Variants in CACNA2D2 observed in about 807,000 individuals in gnomAD.
CACNA2D2 encodes calcium voltage-gated channel auxiliary subunit alpha2delta 2.
CACNA2D2 carries 48 observed loss-of-function variants against 166.4 expected under a neutral mutation model. The ratio of observed to expected loss-of-function variants is 0.29; its 90% CI spans 0.23 to 0.37. The LOEUF (loss-of-function observed/expected upper bound fraction) is 0.37, where lower values mean the gene tolerates loss of function less well. Among genes scored for constraint, CACNA2D2 ranks in the 10% least tolerant of loss-of-function variants. The probability of loss-of-function intolerance (pLI) is 1.00; values close to 1 mark genes in which losing one functional copy is unlikely to be tolerated. For synonymous variants in CACNA2D2, 561 were observed against 573.7 expected, an observed-to-expected ratio of 0.98 and a Z score of 0.32; for missense variants, 1,122 against 1,433.0, an observed-to-expected ratio of 0.78 and a Z score of 3.50.
chr3:50,429,575 C>A (rs2106872777), intron 3 of CACNA2D2, among the ~76,000 whole-genome samples: 1 of 131,096 alleles, frequency 7.6e-6, no homozygotes, highest in East Asian at 2.3e-4. Flanking sequence ...GGTGAAACCC[C>A]ATCTCTACTA....
At chr3:50,484,777 G>A (rs546541668) in intron 1 of CACNA2D2, among the ~76,000 whole-genome samples, 2 of 152,366 alleles carry the variant, frequency 1.3e-5, no homozygotes, top group East Asian at 3.9e-4. Context: ...TGTGAGCCCT[G>A]AGCCAGGAGG....
chr3:50,482,184 T>C (rs184445955), intron 1 of CACNA2D2, among the ~76,000 whole-genome samples: 1 of 152,140 alleles, frequency 6.6e-6, no homozygotes, highest in Admixed American at 6.5e-5. Flanking sequence ...CACTCCAAGC[T>C]CAGAAAGCAG....
chr3:50,407,455 C>T (rs1241812392), intron 3 of CACNA2D2, among the ~76,000 whole-genome samples: 1 of 152,176 alleles, frequency 6.6e-6, no homozygotes, highest in Non-Finnish European at 1.5e-5. Context: ...GCCCTCAAGG[C>T]CAGGGGGTGG....
At chr3:50,374,865 CA>C (rs1428200237) in intron 21 of CACNA2D2, 52 bp from the exon 22 acceptor site, 1 of 1,415,280 alleles carries the variant, frequency 7.1e-7, no homozygotes, top group South Asian at 1.2e-5. Flanking sequence ...GCCACACTGG[CA>C]CCCCCTCCCC....
At chr3:50,476,030 C>A in intron 2 of CACNA2D2, 88 bp downstream of exon 2, 1 of 1,236,978 alleles carries the variant, frequency 8.1e-7, no homozygotes, top group South Asian at 1.3e-5. Context: ...TCCATTAAAC[C>A]AAATCTTCCT....
intron 2 of CACNA2D2, among the ~76,000 whole-genome samples, chr3:50,473,601 C>A (rs915313627): frequency 6.6e-6 from 1 of 152,232 alleles, no homozygotes; most frequent in Non-Finnish European, 1.5e-5. Flanking sequence ...CTCCAAGCAT[C>A]CTCCTGACCT....
At chr3:50,378,441 T>C (rs1424751427) in intron 13 of CACNA2D2, 108 bp from the exon 14 acceptor site, 5 of 1,149,298 alleles carry the variant, frequency 4.4e-6, no homozygotes, top group Non-Finnish European at 6.4e-6. Flanking sequence ...CCTCTTGGGC[T>C]CCTCTCTTTT....
chr3:50,380,170 G>GA lies in CACNA2D2; in HGVS notation c.843-153dup. The GA allele has an allele frequency of 1.3e-6, 1 of 746,740 alleles. No individual in the cohort carries two copies. The highest frequency in any genetic ancestry group is 2.3e-6 in the Non-Finnish European group (1 of 433,840). The allele number at this position is 746,740 out of a possible 1,614,324, so 46.3% of individuals were successfully genotyped here. ...ATGCACCGATGATACCACATTTAACGAAACAGACACAGTCCTTGCCCATGA... is the reference window on the plus strand; with the variant it reads ...ATGCACCGATGATACCACATTTAACGAAAACAGACACAGTCCTTGCCCATGA... On this transcript the variant is annotated intron_variant, in intron 8 of 37. Transcript: ENST00000424201. This position sits in a 1 kb window ranked among gnomAD's most constrained non-coding sequence, Gnocchi z 4.9.
At chr3:50,372,380 C>T (rs906274203) in intron 22 of CACNA2D2, among the ~76,000 whole-genome samples, 3 of 152,230 alleles carry the variant, frequency 2.0e-5, no homozygotes, top group Admixed American at 6.5e-5. Context: ...CCCCGGGGCT[C>T]AGCAAAGCCT....
At chr3:50,465,231 C>G (rs568711661) in intron 2 of CACNA2D2, among the ~76,000 whole-genome samples, 34 of 152,370 alleles carry the variant, frequency 2.2e-4, no homozygotes, top group African/African-American at 7.9e-4. Context: ...GTACAAATTA[C>G]TGGCATAGTA....
intron 2 of CACNA2D2, among the ~76,000 whole-genome samples, chr3:50,440,681 C>T (rs936498222): frequency 5.3e-5 from 8 of 152,152 alleles, no homozygotes; most frequent in East Asian, 1.9e-4. Context: ...CCTGGGTGGG[C>T]GGCCCATTAA....
chr3:50,447,123 A>C (rs960992787), intron 2 of CACNA2D2, among the ~76,000 whole-genome samples: 1 of 152,216 alleles, frequency 6.6e-6, no homozygotes, highest in African/African-American at 2.4e-5. Context: ...AAGAAGAAGG[A>C]AGGCTGGTGA....
chr3:50,381,637 G>C (rs1441805137), intron 6 of CACNA2D2, among the ~76,000 whole-genome samples: 1 of 133,196 alleles, frequency 7.5e-6, no homozygotes, highest in Non-Finnish European at 1.6e-5. Context: ...GGGGCCAGAA[G>C]CAAGCAGGGG....
In CACNA2D2 at chr3:50,377,489, T is replaced by C. The variant is rs1357228417; in HGVS notation, c.1604A>G (p.Lys535Arg). The part of the protein sequence containing the change: ...MGIDVALNDI[K>R]RLTPNYTLGA... The stretch of plus-strand genomic sequence containing the variant: ...CACCGTGTAGTTGGGGGTCAGCCTC[T>C]TGATGTCATTCAGAGCCACGTCAAT... The change falls in exon 17 of 38, where the codon AAG becomes AGG. Residue 535 changes from lysine to arginine, a missense_variant. Lys to Arg is a conservative substitution (Grantham distance 26). Around this residue, in one of 2 missense-constraint regions of CACNA2D2, gnomAD observed 840 missense variants for 1,166.8 expected, o/e 0.72. Transcript: ENST00000424201. 1.9e-6 allele frequency: 3 copies of C among 1,613,178 alleles called. No individual in the cohort carries two copies. In the Admixed American group the frequency reaches 5.0e-5, roughly 27 times the overall value.
intron 23 of CACNA2D2, among the ~76,000 whole-genome samples, chr3:50,369,442 C>T (rs1475839490): frequency 1.3e-5 from 2 of 152,336 alleles, no homozygotes; most frequent in Non-Finnish European, 2.9e-5. Context: ...CATTTATGCT[C>T]AGACTCTTAC....
chr3:50,423,809 G>A (rs2236967), intron 3 of CACNA2D2, among the ~76,000 whole-genome samples: 20,426 of 152,280 alleles, frequency 0.13, 2,278 homozygotes, highest in East Asian at 0.41. Flanking sequence ...AGGAAGCTTC[G>A]AGCAGCTGGA....
chr3:50,426,485 G>A lies in CACNA2D2; in HGVS notation c.405+7828C>T, dbSNP rs557526419. Among the ~76,000 whole-genome samples, 10 of 152,290 alleles carry A rather than the reference G, an allele frequency of 6.6e-5. No homozygotes were observed. In the South Asian group the frequency reaches 2.1e-3, roughly 32 times the overall value. The stretch of plus-strand genomic sequence containing the variant: ...GGGTGACACCAGTCAGGACACCCAA[G>A]GTGTTGAGCTTCCAGGCCCGACACA... On this transcript the variant is annotated intron_variant, in intron 3 of 37. Coordinates refer to ENST00000424201, the MANE Select transcript of CACNA2D2 (RefSeq NM_006030.4).
At chr3:50,466,528 CAT>C (rs766187452) in intron 2 of CACNA2D2, among the ~76,000 whole-genome samples, 9 of 152,232 alleles carry the variant, frequency 5.9e-5, no homozygotes, top group East Asian at 5.8e-4. Flanking sequence ...CAAACGCTCA[CAT>C]GTTACTTACA....
intron 1 of CACNA2D2, among the ~76,000 whole-genome samples, chr3:50,500,438 G>T (rs943864459): frequency 6.6e-6 from 1 of 152,178 alleles, no homozygotes; most frequent in African/African-American, 2.4e-5. Flanking sequence ...CAGCAGAGAG[G>T]ACAAAAGAGG....
Sources: gnomAD v4.1 joint callset for allele counts (sites outside exome capture counted in the v4.1 genomes callset) on GRCh38, gnomAD v4.1.1 for gene constraint, gnomAD v4.1.1 regional missense constraint, Gnocchi (gnomAD v3.1) non-coding constraint, MANE v1.5 for transcripts, NCBI Gene and HGNC (gene_info 2026-07-23, HGNC 2026-07-21) for gene names.